FGF12: variants seen among roughly 807,000 people sequenced by gnomAD.
The protein encoded by FGF12 is fibroblast growth factor 12.
FGF12 carries 14 observed loss-of-function variants against 23.6 expected under a neutral mutation model. The observed-to-expected ratio is 0.59, with a 90% CI of 0.39 to 0.93. The LOEUF (loss-of-function observed/expected upper bound fraction) is 0.93, where lower values mean the gene tolerates loss of function less well. Among genes scored for constraint, FGF12 ranks in the 40% least tolerant of loss-of-function variants. The pLI is 0.00. For synonymous variants in FGF12, 62 were observed against 77.3 expected (o/e 0.80, Z 1.04); for missense variants, 175 against 217.8 (o/e 0.80, Z 1.24).
In FGF12 at chr3:192,727,297, G is replaced by A; in HGVS notation, c.-104C>T. On this transcript the variant is annotated 5_prime_UTR_variant, in exon 2 of 6. The change creates a new upstream start codon in the 5' untranslated region. Transcript: ENST00000445105. ...GGAAGCCAATCTGATGATTTCGCCC[G>A]TACTTCCTTCCTTCCCCTCAGGCTT... The A allele has an allele frequency of 6.4e-7, 1 of 1,551,716 alleles. No homozygotes were observed. Among genetic ancestry groups the A allele is most frequent in the Non-Finnish European group, 8.7e-7 (1 of 1,147,052 alleles).
At chr3:192,237,727 T>C (rs1223497994) in intron 4 of FGF12, among the ~76,000 whole-genome samples, 1 of 152,194 alleles carries the variant, frequency 6.6e-6, no homozygotes. Flanking sequence ...CTCTTTCAAC[T>C]CTTGGACTGT....
At chr3:192,198,819 G>C (rs1717212801) in intron 4 of FGF12, among the ~76,000 whole-genome samples, 1 of 152,140 alleles carries the variant, frequency 6.6e-6, no homozygotes. Context: ...CCATCAAAAG[G>C]AAATTTCATG....
chr3:192,682,691 T>C (rs1430121313), intron 2 of FGF12, among the ~76,000 whole-genome samples: 1 of 152,198 alleles, frequency 6.6e-6, no homozygotes, highest in Non-Finnish European at 1.5e-5. Context: ...CTGTGATTCA[T>C]GCTGGGCCCA....
chr3:192,640,418 T>C (rs1040995401), intron 2 of FGF12, among the ~76,000 whole-genome samples: 1 of 152,146 alleles, frequency 6.6e-6, no homozygotes, highest in Non-Finnish European at 1.5e-5. Flanking sequence ...GCCGGGAGAA[T>C]GTTTTTCACA....
chr3:192,243,679 A>G (rs949678107), intron 4 of FGF12, among the ~76,000 whole-genome samples: 11 of 152,134 alleles, frequency 7.2e-5, no homozygotes, highest in African/African-American at 2.4e-4. Flanking sequence ...AGATTTTAAA[A>G]TCTCAGAAAC....
At chr3:192,509,221 C>A (rs552193257) in intron 2 of FGF12, among the ~76,000 whole-genome samples, 1 of 152,154 alleles carries the variant, frequency 6.6e-6, no homozygotes, top group Non-Finnish European at 1.5e-5. Flanking sequence ...CAGAAAAAGT[C>A]TGGGTTCCCT....
rs536425167 is a variant in FGF12 at position 192,536,012 on chromosome 3, A to G, written c.14-175474T>C. On this transcript the variant is annotated intron_variant, in intron 2 of 5. Coordinates refer to ENST00000445105, the MANE Select transcript of FGF12 (RefSeq NM_004113.6). ...TAAATTTTACATAGCTTGTAGGGTA[A>G]CATTATGTCCTAATACAATATGTAC... 2.0e-5 allele frequency among the ~76,000 whole-genome samples: 3 copies of G among 152,346 alleles called. No homozygotes were observed. In the South Asian group the frequency reaches 6.2e-4, roughly 32 times the overall value.
chr3:192,632,683 C>T (rs986997911), intron 2 of FGF12, among the ~76,000 whole-genome samples: 11 of 152,116 alleles, frequency 7.2e-5, no homozygotes, highest in Admixed American at 5.2e-4. Flanking sequence ...TAATTCTTAT[C>T]GAAACTCTCA....
At position 192,170,774 on chromosome 3, in the gene FGF12, A is replaced by ATGAC. The variant is rs1405895031; in HGVS notation, c.229-122_229-119dup. Reference sequence around the variant, plus strand: ...CTCTGTTAAGAACAAATGAAAGGCAATGACACATAGTTTCTATTAGCCTTT... The same window carrying ATGAC: ...CTCTGTTAAGAACAAATGAAAGGCAATGACTGACACATAGTTTCTATTAGCCTTT... On this transcript the variant is annotated intron_variant, in intron 4 of 5. Transcript: ENST00000445105. 7.2e-6 allele frequency: 6 copies of ATGAC among 832,086 alleles called. No homozygotes were observed. In the Admixed American group the frequency reaches 1.6e-4, roughly 23 times the overall value. 51.5% of individuals were successfully genotyped at this position (832,086 alleles called of 1,614,324 possible).
chr3:192,508,584 G>A (rs1724380559), intron 2 of FGF12, among the ~76,000 whole-genome samples: 1 of 152,198 alleles, frequency 6.6e-6, no homozygotes, highest in African/African-American at 2.4e-5. Flanking sequence ...TGAAGCAAGA[G>A]CAGAGAAAAG....
rs185119581 is a variant in FGF12, at chr3:192,226,298, G to A, written c.229-55642C>T. On this transcript the variant is annotated intron_variant, in intron 4 of 5. Transcript: ENST00000445105. ...TTACCATAATATGTCACATAGTATCGGTACTCTATGCCTGAATGCCCAGTA... is the reference window on the plus strand; with the variant it reads ...TTACCATAATATGTCACATAGTATCAGTACTCTATGCCTGAATGCCCAGTA... Among the ~76,000 whole-genome samples the A allele has an allele frequency of 2.6e-5, 4 of 152,054 alleles. No individual in the cohort carries two copies. The South Asian group carries it at 6.2e-4, about 24-fold the overall frequency.
intron 4 of FGF12, among the ~76,000 whole-genome samples, chr3:192,315,223 T>C (rs1716166783): frequency 6.6e-6 from 1 of 152,218 alleles, no homozygotes; most frequent in East Asian, 1.9e-4. Context: ...TCATTGTTCT[T>C]ATTTGACCCC....
chr3:192,206,823 C>CA (rs1305163139), intron 4 of FGF12, among the ~76,000 whole-genome samples: 3 of 152,018 alleles, frequency 2.0e-5, no homozygotes, highest in African/African-American at 7.2e-5. Flanking sequence ...TGTCTGTATC[C>CA]AACTCTAAAG....
intron 2 of FGF12, among the ~76,000 whole-genome samples, chr3:192,487,551 T>C (rs1034355976): frequency 6.6e-6 from 1 of 152,132 alleles, no homozygotes; most frequent in African/African-American, 2.4e-5. Context: ...GCCTCTGCAC[T>C]ATTTACATCT....
rs560822081 is a variant in FGF12, at chr3:192,522,236, T to C, written c.14-161698A>G. Among the ~76,000 whole-genome samples the C allele has an allele frequency of 2.0e-3, 303 of 152,052 alleles. 1 individual carries two copies. Among genetic ancestry groups the C allele is most frequent in the African/African-American group, 7.1e-3 (293 of 41,538 alleles). On this transcript the variant is annotated intron_variant, in intron 2 of 5. Coordinates refer to ENST00000445105, the MANE Select transcript of FGF12 (RefSeq NM_004113.6). ...ACAAAAAAAAACGGGGGGGACTTTT[T>C]TGTGATTTTCCAATTGGGAAAAATA...
intron 2 of FGF12, among the ~76,000 whole-genome samples, chr3:192,621,417 C>G (rs553828853): frequency 6.6e-6 from 1 of 152,176 alleles, no homozygotes; most frequent in South Asian, 2.1e-4. Context: ...AAAGCATGGG[C>G]TTTGAAGCCC....
At chr3:192,305,854 G>GTTTTTTTTTTTT (rs755560177) in intron 4 of FGF12, among the ~76,000 whole-genome samples, 2 of 77,464 alleles carry the variant, frequency 2.6e-5, no homozygotes, top group African/African-American at 1.3e-4. Flanking sequence ...CATCTCTCTG[G>GTTTTTTTTTTTT]TTTTTTTTTT....
chr3:192,337,447 G>C (rs1266565375), intron 3 of FGF12, among the ~76,000 whole-genome samples: 1 of 152,132 alleles, frequency 6.6e-6, no homozygotes, highest in Non-Finnish European at 1.5e-5. Flanking sequence ...GGGGGGAAAT[G>C]AGAAAGAACA....
intron 5 of FGF12, among the ~76,000 whole-genome samples, chr3:192,156,762 T>C (rs1396555972): frequency 6.6e-6 from 1 of 152,216 alleles, no homozygotes; most frequent in Non-Finnish European, 1.5e-5. Flanking sequence ...CTCTAATGCA[T>C]GTATCATCAT....
Sources: allele counts gnomAD v4.1 joint callset (sites outside exome capture counted in the v4.1 genomes callset), GRCh38; gene constraint gnomAD v4.1.1; transcripts MANE v1.5; gene names NCBI Gene and HGNC (gene_info 2026-07-23, HGNC 2026-07-21).